Variants in DIP2A observed in about 807,000 individuals in gnomAD.
DIP2A encodes the protein disco-interacting protein 2 homolog A.
In DIP2A, 85 loss-of-function variants were observed where a neutral mutation model predicts 177.4. The observed-to-expected ratio is 0.48, with a 90% CI of 0.40 to 0.57. The LOEUF (loss-of-function observed/expected upper bound fraction) is 0.57. Among genes scored for constraint, DIP2A ranks in the 20% least tolerant of loss-of-function variants. DIP2A has a pLI of 0.00. For synonymous variants in DIP2A, 886 were observed against 881.8 expected, an observed-to-expected ratio of 1.00 and a Z score of -0.08; for missense variants, 1,791 against 2,100.2, an observed-to-expected ratio of 0.85 and a Z score of 2.88.
intron 8 of DIP2A, among the ~76,000 whole-genome samples, chr21:46,518,055 C>T (rs187493030): frequency 3.3e-5 from 5 of 152,360 alleles, no homozygotes; most frequent in African/African-American, 1.2e-4. Context: ...AGTCTTCCAC[C>T]ATTGTGCTTT....
chr21:46,480,458 C>G (rs565036724), intron 1 of DIP2A, among the ~76,000 whole-genome samples: 1 of 152,260 alleles, frequency 6.6e-6, no homozygotes, highest in African/African-American at 2.4e-5. Flanking sequence ...GGACACAGAG[C>G]CAGACCATAT....
Position 46,554,087 on chromosome 21 carries a change from T to C in DIP2A, c.3031-82T>C, listed in dbSNP as rs532564339. Reference sequence around the variant, plus strand: ...TCACAAGGTGTCGTGTGCAGTGGCGTGCAGGTGGTGTGCACGCAGATCTGC... The same window carrying C: ...TCACAAGGTGTCGTGTGCAGTGGCGCGCAGGTGGTGTGCACGCAGATCTGC... On this transcript the variant is annotated intron_variant, in intron 25 of 37. Transcript: ENST00000417564. The C allele has an allele frequency of 2.7e-4, 410 of 1,497,434 alleles. 4 individuals carry two copies. The South Asian group carries it at 5.0e-3, about 18-fold the overall frequency. 92.8% of individuals were successfully genotyped at this position (1,497,434 alleles called of 1,614,324 possible). A position where few individuals can be genotyped will look rare whatever the true frequency, so the allele number is the denominator to read the frequency against.
At chr21:46,495,932 C>T (rs911783196) in intron 3 of DIP2A, among the ~76,000 whole-genome samples, 2 of 151,790 alleles carry the variant, frequency 1.3e-5, no homozygotes, top group African/African-American at 2.4e-5. Context: ...ATTAGCCGGG[C>T]GTGGTGGGGG....
intron 8 of DIP2A, among the ~76,000 whole-genome samples, chr21:46,525,466 G>T (rs553275953): frequency 6.6e-6 from 1 of 152,278 alleles, no homozygotes; most frequent in East Asian, 1.9e-4. Context: ...CACATGGGTG[G>T]ATCTGTTTTG....
In DIP2A at chr21:46,541,809, G is replaced by A. The variant is rs1270283580; in HGVS notation, c.2090G>A (p.Gly697Asp). Residue 697 changes from glycine to aspartate, a missense_variant, in exon 18 of 38, where the codon GGT (glycine) becomes GAT (aspartate). Coordinates refer to ENST00000417564, the MANE Select transcript of DIP2A (RefSeq NM_015151.4). Reference protein sequence around the residue: ...PPRKAVLSMNGLSYGVIRVDT... With the variant: ...PPRKAVLSMNDLSYGVIRVDT... ...AGAAAAGCAGTCCTGTCGATGAACG[G>A]TCTAAGTTATGGTGTTATCAGAGTG... is the stretch of plus-strand genomic sequence containing the variant. 6.2e-7 allele frequency: 1 copy of A among 1,613,968 alleles called. No individual in the cohort carries two copies. The highest frequency in any genetic ancestry group is 8.5e-7 in the Non-Finnish European group (1 of 1,179,884).
chr21:46,561,654 TCA>T (rs1491046857), intron 33 of DIP2A, 92 bp from the exon 34 acceptor site: 1 of 1,479,658 alleles, frequency 6.8e-7, no homozygotes, highest in East Asian at 2.3e-5. Flanking sequence ...CAACAGACCC[TCA>T]GAGTGATCAT....
chr21:46,504,236 A>G, intron 5 of DIP2A, 125 bp from the exon 6 acceptor site: 1 of 1,336,862 alleles, frequency 7.5e-7, no homozygotes, highest in Non-Finnish European at 1.0e-6. Context: ...AATTAATGAA[A>G]ATACCACACT....
rs550815542 is a variant in DIP2A at position 46,529,374 on chromosome 21, C to T, written c.1194+191C>T. 3.2e-4 allele frequency among the ~76,000 whole-genome samples: 49 copies of T among 152,176 alleles called. 2 individuals carry two copies. The South Asian group carries it at 7.7e-3, about 24-fold the overall frequency. On this transcript the variant is annotated intron_variant, in intron 9 of 37. Coordinates refer to ENST00000417564, the MANE Select transcript of DIP2A (RefSeq NM_015151.4). ...TAGCACTTTGGGAGGCTGTGGTGAG[C>T]GGATTGCCTGAGCTCAGGAGTTTGA... is the stretch of plus-strand genomic sequence containing the variant.
Position 46,565,895 on chromosome 21 carries a change from G to A in DIP2A, c.4339+8G>A. Reference sequence around the variant, plus strand: ...TCACTGATGCCAGTGGAGGTGAGGGGTTGTGGTGAAGCCCTGCGTGAGTGC... The same window carrying A: ...TCACTGATGCCAGTGGAGGTGAGGGATTGTGGTGAAGCCCTGCGTGAGTGC... On this transcript the variant is annotated splice_region_variant and intron_variant, in intron 36 of 37. Coordinates refer to ENST00000417564, the MANE Select transcript of DIP2A (RefSeq NM_015151.4). 5 of 1,613,720 alleles carry A rather than the reference G, an allele frequency of 3.1e-6. No homozygotes were observed. The highest frequency in any genetic ancestry group is 2.2e-5 in the East Asian group (1 of 44,890).
At chr21:46,505,280 AGG>A in intron 6 of DIP2A, among the ~76,000 whole-genome samples, 1 of 152,196 alleles carries the variant, frequency 6.6e-6, no homozygotes, top group Non-Finnish European at 1.5e-5. Flanking sequence ...GCTTAATTAA[AGG>A]GTAATTGACA....
At chr21:46,546,447 C>A in intron 20 of DIP2A, 1 of 351,908 alleles carries the variant, frequency 2.8e-6, no homozygotes, top group Non-Finnish European at 4.2e-6. Flanking sequence ...TACCTAGAGG[C>A]CAGAGATGCT....
intron 8 of DIP2A, among the ~76,000 whole-genome samples, chr21:46,523,393 AT>A (rs61370008): frequency 0.04 from 3,574 of 89,812 alleles, 20 homozygotes; most frequent in Non-Finnish European, 0.052. Flanking sequence ...CGCCTGGCTA[AT>A]TTTTTTTTTT....
At chr21:46,561,636 A>G (rs1196328782) in intron 33 of DIP2A, 112 bp from the exon 34 acceptor site, 2 of 1,340,776 alleles carry the variant, frequency 1.5e-6, no homozygotes, top group Admixed American at 3.4e-5. Context: ...TGACATCCTG[A>G]CTGTTGTCAA....
chr21:46,566,147 G>A (rs1039981097), intron 36 of DIP2A, among the ~76,000 whole-genome samples: 15 of 152,128 alleles, frequency 9.9e-5, no homozygotes, highest in African/African-American at 2.4e-4. Context: ...GCTTCTCCCC[G>A]AGGCCAGACC....
chr21:46,544,953 A>C (rs2059969010), intron 18 of DIP2A, among the ~76,000 whole-genome samples, 184 bp from the exon 19 acceptor site: 1 of 152,230 alleles, frequency 6.6e-6, no homozygotes, highest in Non-Finnish European at 1.5e-5. Context: ...AATATTACAT[A>C]TAAAATATAA....
At chr21:46,578,047 C>T in the DIP2A span, among the ~76,000 whole-genome samples, 1 of 152,172 alleles carries the variant, frequency 6.6e-6, no homozygotes, top group Non-Finnish European at 1.5e-5. Flanking sequence ...GGCGTGGTGG[C>T]TCACACCTGT....
chr21:46,527,346 G>A (rs1217216400), intron 8 of DIP2A, among the ~76,000 whole-genome samples: 7 of 15,028 alleles, frequency 4.7e-4, no homozygotes, highest in African/African-American at 1.6e-3. Flanking sequence ...TTTTTTTTTT[G>A]AGAGGGAGTC....
intron 8 of DIP2A, among the ~76,000 whole-genome samples, chr21:46,523,357 C>T (rs1431676721): frequency 6.6e-6 from 1 of 151,510 alleles, no homozygotes. Context: ...GCCTCAACCT[C>T]CTGAGTAGCT....
chr21:46,577,094 A>G, the DIP2A span, among the ~76,000 whole-genome samples: 8,752 of 152,130 alleles, frequency 0.058, 320 homozygotes, highest in Non-Finnish European at 0.078. Flanking sequence ...TGCTCTGATG[A>G]TAGTTTCTTT....
Sources: allele counts gnomAD v4.1 joint callset (sites outside exome capture counted in the v4.1 genomes callset), GRCh38; gene constraint gnomAD v4.1.1; transcripts MANE v1.5; gene names NCBI Gene and HGNC (gene_info 2026-07-23, HGNC 2026-07-21).